Variants in DENND1A observed in about 807,000 individuals in gnomAD.
DENND1A encodes DENN domain containing 1A.
A neutral mutation model predicts 113.7 loss-of-function variants in DENND1A; 51 were observed. The observed-to-expected ratio is 0.45, with a 90% CI of 0.36 to 0.57. The LOEUF is 0.57. DENND1A is among the 20% of genes least tolerant of loss of function. DENND1A has a pLI of 0.00. For missense variants in DENND1A, 1,258 were observed against 1,395.9 expected (o/e 0.90, Z 1.57); for synonymous variants, 565 against 570.8 (o/e 0.99, Z 0.14).
intron 1 of DENND1A, among the ~76,000 whole-genome samples, chr9:123,924,004 A>T (rs917357929): frequency 6.6e-6 from 1 of 152,236 alleles, no homozygotes; most frequent in Non-Finnish European, 1.5e-5. Context: ...AATGATGAAA[A>T]GGGGAAACAA....
intron 5 of DENND1A, among the ~76,000 whole-genome samples, chr9:123,756,791 G>A (rs1303285238): frequency 1.3e-5 from 2 of 152,314 alleles, no homozygotes; most frequent in African/African-American, 2.4e-5. Flanking sequence ...AGAAAGTGCA[G>A]AGACTAGTGC....
intron 13 of DENND1A, among the ~76,000 whole-genome samples, chr9:123,460,849 G>T (rs2133044827): frequency 6.6e-6 from 1 of 152,328 alleles, no homozygotes; most frequent in South Asian, 2.1e-4. Flanking sequence ...TGTTACCTTT[G>T]TGCGATTATT....
At chr9:123,566,463 G>C (rs1487085203) in intron 12 of DENND1A, among the ~76,000 whole-genome samples, 1 of 151,908 alleles carries the variant, frequency 6.6e-6, no homozygotes, top group African/African-American at 2.4e-5. Flanking sequence ...ACAACTTGTG[G>C]GCTGTGTATA....
chr9:123,592,880 C>G (rs1006875319), intron 11 of DENND1A, among the ~76,000 whole-genome samples: 1 of 152,134 alleles, frequency 6.6e-6, no homozygotes, highest in Non-Finnish European at 1.5e-5. Flanking sequence ...CAAAAAAATA[C>G]GGACTTCACC....
At chr9:123,519,626 C>T (rs1189510776) in intron 13 of DENND1A, among the ~76,000 whole-genome samples, 1 of 152,058 alleles carries the variant, frequency 6.6e-6, no homozygotes, top group Non-Finnish European at 1.5e-5. Context: ...GTCATGTTGG[C>T]CAGGCCGGTC....
At chr9:123,398,620 G>A (rs1019450797) in intron 21 of DENND1A, among the ~76,000 whole-genome samples, 7 of 151,644 alleles carry the variant, frequency 4.6e-5, no homozygotes, top group Non-Finnish European at 7.4e-5. Context: ...CTCGTGATCC[G>A]CCCGCCTCGG....
At position 123,382,210 on chromosome 9, in the gene DENND1A, C is replaced by T. The variant is rs1403125136; in HGVS notation, c.2435G>A (p.Gly812Glu). ...DRDRRAALSP[G>E]LLPGVVPQGP... The stretch of plus-strand genomic sequence containing the variant: ...TTGGGGGACAACACCAGGCAGGAGC[C>T]CTGGACTCAGGGCAGCTCGCCTGTC... The change falls in exon 24 of 24, where the codon GGG (glycine) becomes GAG (glutamate). Residue 812 changes from glycine to glutamate, a missense_variant. By Grantham distance (98) the Gly-to-Glu change is moderately conservative. Coordinates refer to ENST00000394215, the MANE Select transcript of DENND1A (RefSeq NM_001352964.2). The T allele has an allele frequency of 6.2e-7, 1 of 1,609,662 alleles. No individual in the cohort carries two copies. The highest frequency in any genetic ancestry group is 8.5e-7 in the Non-Finnish European group (1 of 1,179,592).
intron 13 of DENND1A, among the ~76,000 whole-genome samples, chr9:123,495,689 C>T (rs2051851757): frequency 6.6e-6 from 1 of 152,198 alleles, no homozygotes; most frequent in Non-Finnish European, 1.5e-5. Context: ...AAGCAAGAAT[C>T]CTGCTGTTAC....
intron 10 of DENND1A, among the ~76,000 whole-genome samples, chr9:123,612,056 A>C (rs1184316447): frequency 6.6e-6 from 1 of 152,252 alleles, no homozygotes; most frequent in Non-Finnish European, 1.5e-5. Context: ...GAAAATATTT[A>C]AAACACATTT....
chr9:123,632,127 T>G (rs1416506172), intron 9 of DENND1A, among the ~76,000 whole-genome samples: 1 of 152,140 alleles, frequency 6.6e-6, no homozygotes, highest in Non-Finnish European at 1.5e-5. Context: ...CAGCTTTAAA[T>G]TGGATATTCT....
chr9:123,866,053 T>C (rs970804822), intron 2 of DENND1A, among the ~76,000 whole-genome samples: 8 of 152,344 alleles, frequency 5.3e-5, no homozygotes, highest in East Asian at 3.9e-4. Context: ...CCAAATACTT[T>C]TGTCACTTTT....
intron 5 of DENND1A, among the ~76,000 whole-genome samples, chr9:123,717,973 C>T (rs2067091225): frequency 6.6e-6 from 1 of 152,210 alleles, no homozygotes. Flanking sequence ...CCTCCTTCCT[C>T]CATAAGCCCA....
intron 19 of DENND1A, among the ~76,000 whole-genome samples, chr9:123,420,121 T>C (rs1334841041): frequency 1.3e-5 from 2 of 151,422 alleles, no homozygotes; most frequent in Non-Finnish European, 3.0e-5. Context: ...GAGGAAGAGG[T>C]TTCCACTTGC....
At chr9:123,511,770 A>C (rs1342624878) in intron 13 of DENND1A, among the ~76,000 whole-genome samples, 1 of 152,222 alleles carries the variant, frequency 6.6e-6, no homozygotes, top group African/African-American at 2.4e-5. Context: ...AGCCAACAAC[A>C]GCTACTGAAT....
chr9:123,414,262 G>A (rs576490675), intron 19 of DENND1A: 9 of 1,299,858 alleles, frequency 6.9e-6, no homozygotes, highest in Admixed American at 7.4e-5. Flanking sequence ...AAGATTCAAC[G>A]AGATGATGGA....
chr9:123,492,347 G>A (rs935333602), intron 13 of DENND1A, among the ~76,000 whole-genome samples: 3 of 152,224 alleles, frequency 2.0e-5, no homozygotes, highest in East Asian at 3.8e-4. Flanking sequence ...GGAGGGAAGC[G>A]TGTGCTGAGC....
intron 23 of DENND1A, 135 bp from the exon 24 acceptor site, chr9:123,382,760 A>T (rs973802438): frequency 2.1e-6 from 2 of 946,768 alleles, no homozygotes; most frequent in South Asian, 1.6e-5. Flanking sequence ...CGGACTTGGA[A>T]CAGCTGAGGG....
At chr9:123,659,799 GT>G (rs1364810828) in intron 8 of DENND1A, among the ~76,000 whole-genome samples, 3 of 152,120 alleles carry the variant, frequency 2.0e-5, no homozygotes, top group Admixed American at 2.0e-4. Context: ...CAACCCCACA[GT>G]TACTGCTTGT....
chr9:123,928,725 G>A (rs1857526129), intron 1 of DENND1A: 1 of 985,388 alleles, frequency 1.0e-6, no homozygotes. Context: ...CACACTGCAC[G>A]GGCATCACCT....
Sources: gnomAD v4.1 joint callset for allele counts (sites outside exome capture counted in the v4.1 genomes callset) on GRCh38, gnomAD v4.1.1 for gene constraint, MANE v1.5 for transcripts, NCBI Gene and HGNC (gene_info 2026-07-23, HGNC 2026-07-21) for gene names.